The following CDH11 variants were observed in gnomAD, a reference collection of about 807,000 sequenced individuals.
The protein encoded by CDH11 is cadherin-11.
Under a neutral mutation model 67.8 loss-of-function variants are expected in CDH11, and 11 were observed. The ratio of observed to expected loss-of-function variants is 0.16; its 90% CI spans 0.10 to 0.27. CDH11 has a LOEUF of 0.27. Ranked by LOEUF, CDH11 falls within the 10% of genes least tolerant of loss-of-function variation. CDH11 has a pLI of 1.00. For synonymous variants in CDH11, 419 were observed against 400.0 expected (o/e 1.05, Z -0.57); for missense variants, 847 against 1,031.2 (o/e 0.82, Z 2.45).
At chr16:64,978,443 A>G (rs149028415) in intron 8 of CDH11, among the ~76,000 whole-genome samples, 3,427 of 152,318 alleles carry the variant, frequency 0.022, 86 homozygotes, top group Middle Eastern at 0.051. Context: ...ATGCAAACAA[A>G]TGATGTGACT....
chr16:65,016,655 A>T (rs1483236748), intron 2 of CDH11, among the ~76,000 whole-genome samples: 1 of 152,200 alleles, frequency 6.6e-6, no homozygotes, highest in African/African-American at 2.4e-5. Context: ...CAAAACCCAA[A>T]AATGGGGTTC....
intron 1 of CDH11, among the ~76,000 whole-genome samples, chr16:65,110,840 G>A (rs1360635057): frequency 6.6e-6 from 1 of 152,106 alleles, no homozygotes; most frequent in Non-Finnish European, 1.5e-5. Flanking sequence ...CCTAAACATA[G>A]GAAGGTGGTT....
chr16:65,030,335 A>T (rs1597111433), intron 2 of CDH11, among the ~76,000 whole-genome samples: 1 of 152,326 alleles, frequency 6.6e-6, no homozygotes, highest in East Asian at 1.9e-4. Context: ...TGAAATTCTA[A>T]TCTAACTCAA....
chr16:65,020,378 G>A (rs2073398058), intron 2 of CDH11, among the ~76,000 whole-genome samples: 1 of 152,206 alleles, frequency 6.6e-6, no homozygotes, highest in African/African-American at 2.4e-5. Context: ...TGCCCAGGCT[G>A]AAGTGCAGTG....
chr16:64,992,552 T>C (rs2072655449), intron 5 of CDH11, among the ~76,000 whole-genome samples: 1 of 152,266 alleles, frequency 6.6e-6, no homozygotes, highest in Non-Finnish European at 1.5e-5. Flanking sequence ...CTTAAATCTT[T>C]AGGAGACCTT....
chr16:64,970,220 C>T (rs1372997765), intron 11 of CDH11, among the ~76,000 whole-genome samples: 1 of 152,130 alleles, frequency 6.6e-6, no homozygotes, highest in Non-Finnish European at 1.5e-5. Context: ...GCCTCATTGT[C>T]TCATTTGGCA....
chr16:64,999,181 G>A lies in CDH11; in HGVS notation c.229-325C>T, dbSNP rs144949044. Among the ~76,000 whole-genome samples, 798 of 152,258 alleles carry A rather than the reference G, an allele frequency of 5.2e-3. 7 individuals are homozygous for A. The highest frequency in any genetic ancestry group is 0.018 in the African/African-American group (748 of 41,558). On this transcript the variant is annotated intron_variant, in intron 3 of 12. Transcript: ENST00000268603. ...TATCTGTCAATAGTTTGAAATAAAT[G>A]TATGTTTATTTTTAAAAATATATAA...
At chr16:65,000,385 A>G (rs889139507) in intron 3 of CDH11, among the ~76,000 whole-genome samples, 1 of 152,134 alleles carries the variant, frequency 6.6e-6, no homozygotes, top group African/African-American at 2.4e-5. Flanking sequence ...AGTAAGCATT[A>G]TTTTTACTGT....
chr16:64,951,098 G>C, intron 11 of CDH11, 80 bp from the exon 12 acceptor site: 1 of 1,393,494 alleles, frequency 7.2e-7, no homozygotes, highest in East Asian at 2.3e-5. Flanking sequence ...GCAGATTTGA[G>C]GGCACTCTCT....
At position 64,945,836 on chromosome 16, in the gene CDH11, A is replaced by G. The variant is rs976190262; in HGVS notation, c.*1767T>C. On this transcript the variant is annotated 3_prime_UTR_variant, in exon 13 of 13. Coordinates refer to ENST00000268603, the MANE Select transcript of CDH11 (RefSeq NM_001797.4). ...GAAATGCTTGAAACAAACTTTCACA[A>G]TAAAGTCAGAAAAAAACTGTAAAAA... 1 of 1,051,908 alleles carries G rather than the reference A, an allele frequency of 9.5e-7. No individual in the cohort carries two copies. The highest frequency in any genetic ancestry group is 1.7e-5 in the African/African-American group (1 of 60,462). The allele number at this position is 1,051,908 out of a possible 1,614,324, so 65.2% of individuals were successfully genotyped here. A position where few individuals can be genotyped will look rare whatever the true frequency, so the allele number is the denominator to read the frequency against.
chr16:64,995,316 G>A (rs1168201800), intron 4 of CDH11, among the ~76,000 whole-genome samples: 1 of 152,008 alleles, frequency 6.6e-6, no homozygotes, highest in African/African-American at 2.4e-5. Flanking sequence ...AAAAGTTGGA[G>A]GAGTCACCTT....
At chr16:65,100,684 G>A (rs1268739771) in intron 1 of CDH11, among the ~76,000 whole-genome samples, 3 of 150,548 alleles carry the variant, frequency 2.0e-5, no homozygotes, top group African/African-American at 4.9e-5. Context: ...GTTACAGTGA[G>A]CTGAGATCGC....
chr16:65,099,977 A>T (rs1178931432), intron 1 of CDH11, among the ~76,000 whole-genome samples: 1 of 152,212 alleles, frequency 6.6e-6, no homozygotes, highest in Non-Finnish European at 1.5e-5. Context: ...TTAAGGACGC[A>T]TCTCAGAAGA....
At chr16:65,083,064 C>T (rs2074638051) in intron 1 of CDH11, among the ~76,000 whole-genome samples, 1 of 152,184 alleles carries the variant, frequency 6.6e-6, no homozygotes, top group African/African-American at 2.4e-5. Context: ...ATCCCATGAA[C>T]ACTGTTTCCA....
intron 1 of CDH11, among the ~76,000 whole-genome samples, chr16:65,069,772 C>T (rs1440912493): frequency 1.3e-5 from 2 of 152,130 alleles, no homozygotes; most frequent in Non-Finnish European, 1.5e-5. Context: ...AACTACCAAT[C>T]CCATAGCACA....
intron 3 of CDH11, among the ~76,000 whole-genome samples, chr16:65,000,864 A>G (rs1176464018): frequency 1.3e-5 from 2 of 151,864 alleles, no homozygotes; most frequent in Non-Finnish European, 2.9e-5. Flanking sequence ...ATTATTATCA[A>G]TGCCATTTAA....
intron 2 of CDH11, among the ~76,000 whole-genome samples, chr16:65,039,257 A>G (rs1046729755): frequency 5.9e-5 from 9 of 152,234 alleles, no homozygotes; most frequent in African/African-American, 2.2e-4. Flanking sequence ...AATTACTTCA[A>G]TCCTAAGCCA....
chr16:65,087,483 A>G (rs2074720399), intron 1 of CDH11, among the ~76,000 whole-genome samples: 1 of 152,192 alleles, frequency 6.6e-6, no homozygotes, highest in Admixed American at 6.5e-5. Flanking sequence ...CATACATCAC[A>G]TGCTGCTGCA....
At chr16:65,003,019 G>A (rs546615842) in intron 3 of CDH11, among the ~76,000 whole-genome samples, 3 of 142,228 alleles carry the variant, frequency 2.1e-5, no homozygotes, top group Admixed American at 7.1e-5. Flanking sequence ...TTTACATTTT[G>A]CCTAGCACGG....
Sources: gnomAD v4.1 joint callset for allele counts (sites outside exome capture counted in the v4.1 genomes callset) on GRCh38, gnomAD v4.1.1 for gene constraint, MANE v1.5 for transcripts, NCBI Gene and HGNC (gene_info 2026-07-23, HGNC 2026-07-21) for gene names.